Variants in SMARCA4 observed in about 807,000 individuals in gnomAD.
The protein encoded by SMARCA4 is SWI/SNF related BAF chromatin remodeling complex subunit ATPase 4.
Under a neutral mutation model 193.9 loss-of-function variants are expected in SMARCA4, and 31 were observed. The observed-to-expected ratio is 0.16, with a 90% CI of 0.12 to 0.22. SMARCA4 has a LOEUF of 0.22. SMARCA4 is among the 10% of genes least tolerant of loss of function. SMARCA4 has a pLI of 1.00. For missense variants in SMARCA4, 1,148 were observed against 2,296.0 expected (o/e 0.50, Z 10.22); for synonymous variants, 942 against 933.1 (o/e 1.01, Z -0.17).
Position 11,031,229 on chromosome 19 carries a change from A to G in SMARCA4, c.3546+336A>G, listed in dbSNP as rs1438164382. 2.6e-6 allele frequency: 1 copy of G among 382,460 alleles called. No homozygotes were observed. Among genetic ancestry groups the G allele is most frequent in the Non-Finnish European group, 5.0e-6 (1 of 198,612 alleles). 23.7% of individuals were successfully genotyped at this position (382,460 alleles called of 1,614,324 possible). A position where few individuals can be genotyped will look rare whatever the true frequency, so the allele number is the denominator to read the frequency against. ...GCCGTCACTGTGGGGCGGCCCCTGC[A>G]GTGTGCCCTGTGAGCACACACACTG... On this transcript the variant is annotated intron_variant, in intron 25 of 34. Coordinates refer to ENST00000344626, the MANE Select transcript of SMARCA4 (RefSeq NM_003072.5). This position sits in a 1 kb window ranked among gnomAD's most constrained non-coding sequence, Gnocchi z 4.3.
At chr19:11,024,637 T>A (rs2090119328) in intron 21 of SMARCA4, among the ~76,000 whole-genome samples, 199 bp downstream of exon 21, 2 of 152,170 alleles carry the variant, frequency 1.3e-5, no homozygotes, top group South Asian at 4.1e-4. Flanking sequence ...CTCCTTTGCC[T>A]ATGAAACACT....
chr19:10,993,439 T>C (rs1000431699), intron 8 of SMARCA4, among the ~76,000 whole-genome samples: 5 of 152,216 alleles, frequency 3.3e-5, no homozygotes, highest in Non-Finnish European at 5.9e-5. Context: ...AAAATTATGC[T>C]AGGACCGGAA....
intron 30 of SMARCA4, among the ~76,000 whole-genome samples, chr19:11,056,606 G>A (rs1160963882): frequency 3.3e-5 from 5 of 152,182 alleles, no homozygotes; most frequent in Admixed American, 3.3e-4. Flanking sequence ...AGTTTAGTGT[G>A]TGTAAAGTGT....
At chr19:10,974,867 T>C (rs4804556) in intron 1 of SMARCA4, among the ~76,000 whole-genome samples, 51,737 of 148,796 alleles carry the variant, frequency 0.35, 9,139 homozygotes, top group South Asian at 0.43. Context: ...CCACCACGCC[T>C]AGCTAACTTT....
intron 30 of SMARCA4, among the ~76,000 whole-genome samples, chr19:11,053,322 C>T (rs961936051): frequency 6.6e-6 from 1 of 151,646 alleles, no homozygotes; most frequent in African/African-American, 2.4e-5. Flanking sequence ...TGTTTCTACT[C>T]AAAATACGTA....
intron 20 of SMARCA4, 122 bp downstream of exon 20, chr19:11,023,753 G>A (rs2090041851): frequency 1.4e-6 from 1 of 721,452 alleles, no homozygotes; most frequent in African/African-American, 1.7e-5. Flanking sequence ...TCCAGCTTGG[G>A]GGTGGCGATG....
intron 1 of SMARCA4, among the ~76,000 whole-genome samples, chr19:10,976,753 CAA>C (rs79633492): frequency 1.4e-4 from 17 of 125,242 alleles, no homozygotes; most frequent in Non-Finnish European, 1.3e-4. Context: ...GACCCTGTCT[CAA>C]AAAAAAAAAA....
intron 8 of SMARCA4, among the ~76,000 whole-genome samples, chr19:10,994,094 C>T (rs1378127404): frequency 1.3e-5 from 2 of 151,880 alleles, no homozygotes; most frequent in Non-Finnish European, 2.9e-5. Context: ...GGCTGGAGTA[C>T]AGTGGTGCGA....
chr19:10,964,901 G>T (rs1325238830), intron 1 of SMARCA4, among the ~76,000 whole-genome samples: 1 of 152,060 alleles, frequency 6.6e-6, no homozygotes, highest in Non-Finnish European at 1.5e-5. Context: ...GATTATAGGC[G>T]TGAGCCACCG....
chr19:11,055,988 G>A (rs1035962525), intron 30 of SMARCA4, among the ~76,000 whole-genome samples: 2 of 152,206 alleles, frequency 1.3e-5, no homozygotes, highest in African/African-American at 2.4e-5. Flanking sequence ...TGTGCTGCAC[G>A]TCCTGCTTCA....
At chr19:11,015,597 C>T (rs547949874) in intron 16 of SMARCA4, among the ~76,000 whole-genome samples, 22 of 152,266 alleles carry the variant, frequency 1.4e-4, no homozygotes, top group Middle Eastern at 3.4e-3. Flanking sequence ...CTCGTGGGAA[C>T]GTACTTCGAC....
chr19:10,973,855 C>G (rs930458887), intron 1 of SMARCA4, among the ~76,000 whole-genome samples: 4 of 152,178 alleles, frequency 2.6e-5, no homozygotes, highest in African/African-American at 7.2e-5. Flanking sequence ...CAGGCGTGAG[C>G]CACCGCGCCC....
chr19:11,024,599 G>A (rs1266490383), intron 21 of SMARCA4, among the ~76,000 whole-genome samples, 161 bp downstream of exon 21: 1 of 152,140 alleles, frequency 6.6e-6, no homozygotes, highest in Non-Finnish European at 1.5e-5. Context: ...CTTGTGTCAG[G>A]ACACACTGAC....
chr19:11,026,480 A>C (rs939070662), intron 23 of SMARCA4, 134 bp downstream of exon 23: 1 of 698,072 alleles, frequency 1.4e-6, no homozygotes. Context: ...GAAGAATCCA[A>C]AGCAAATAAT....
At position 11,024,018 on chromosome 19, in the gene SMARCA4, T is replaced by C. The variant is rs8104020; in HGVS notation, c.2974-313T>C. ...GGCCCAGTTCCCACAGCAAGACCCATGGACTCGGGGTCCCCGGCTGCAGTT... is the reference window on the plus strand; with the variant it reads ...GGCCCAGTTCCCACAGCAAGACCCACGGACTCGGGGTCCCCGGCTGCAGTT... On this transcript the variant is annotated intron_variant, in intron 20 of 34. Coordinates refer to ENST00000344626, the MANE Select transcript of SMARCA4 (RefSeq NM_003072.5). 0.12 allele frequency among the ~76,000 whole-genome samples: 18,898 copies of C among 152,196 alleles called. 2,112 individuals carry two copies. The highest frequency in any genetic ancestry group is 0.35 in the East Asian group (1,818 of 5,142).
chr19:11,018,057 C>T lies in SMARCA4; in HGVS notation c.2439-900C>T, dbSNP rs534521723. Among the ~76,000 whole-genome samples, 3 of 152,394 alleles carry T rather than the reference C, an allele frequency of 2.0e-5. No homozygotes were observed. In the South Asian group the frequency reaches 6.2e-4, roughly 32 times the overall value. ...TCCTTCTGTCTATTGGCTGTGCCGC[C>T]TGGTTGGCTGTGGCTTCCAGCGGGG... On this transcript the variant is annotated intron_variant, in intron 16 of 34. Coordinates refer to ENST00000344626, the MANE Select transcript of SMARCA4 (RefSeq NM_003072.5).
intron 13 of SMARCA4, among the ~76,000 whole-genome samples, chr19:11,004,253 AT>A (rs34759650): frequency 0.31 from 41,008 of 132,864 alleles, 5,689 homozygotes; most frequent in Middle Eastern, 0.36. Flanking sequence ...TTGACTGGTG[AT>A]TTTTTTTTTT....
intron 11 of SMARCA4, among the ~76,000 whole-genome samples, chr19:10,997,273 A>G (rs1292066470): frequency 6.6e-6 from 1 of 152,046 alleles, no homozygotes; most frequent in Non-Finnish European, 1.5e-5. Flanking sequence ...ATCTCTGCTC[A>G]CTGCAAGCTC....
rs1264168163 is a variant in SMARCA4 at position 11,030,208 on chromosome 19, T to A, written c.3383-522T>A. Among the ~76,000 whole-genome samples, 1 of 152,186 alleles carries A rather than the reference T, an allele frequency of 6.6e-6. No homozygotes were observed. Among genetic ancestry groups the A allele is most frequent in the Non-Finnish European group, 1.5e-5 (1 of 68,020 alleles). On this transcript the variant is annotated intron_variant, in intron 24 of 34. Coordinates refer to ENST00000344626, the MANE Select transcript of SMARCA4 (RefSeq NM_003072.5). The surrounding 1 kb of genome is among the most constrained non-coding windows in gnomAD (Gnocchi z 5.5). ...CCCCTTTATAAGGTCTCCATGCTTT[T>A]ACCGTAGAAGATTCTCTTTGTGAAC...
Sources: allele counts gnomAD v4.1 joint callset (sites outside exome capture counted in the v4.1 genomes callset), GRCh38; gene constraint gnomAD v4.1.1; non-coding constraint Gnocchi (gnomAD v3.1); transcripts MANE v1.5; gene names NCBI Gene and HGNC (gene_info 2026-07-23, HGNC 2026-07-21).